Variants in POU2F2 observed in about 807,000 individuals in gnomAD.
POU2F2 encodes the protein POU domain, class 2, transcription factor 2.
Under a neutral mutation model 63.5 loss-of-function variants are expected in POU2F2, and 14 were observed. The observed-to-expected ratio is 0.22, with a 90% CI of 0.15 to 0.34. The LOEUF (loss-of-function observed/expected upper bound fraction) is 0.34. POU2F2 is among the 10% of genes least tolerant of loss of function. The pLI, the probability that POU2F2 is intolerant of heterozygous loss-of-function variation, is 1.00. For synonymous variants in POU2F2, 306 were observed against 348.6 expected (o/e 0.88, Z 1.36); for missense variants, 607 against 815.2 (o/e 0.74, Z 3.11).
At chr19:42,106,018 T>TCTTTCTTC (rs2029872962) in intron 5 of POU2F2, among the ~76,000 whole-genome samples, 2 of 147,054 alleles carry the variant, frequency 1.4e-5, no homozygotes, top group Admixed American at 6.7e-5. Context: ...TTTCTTTCTT[T>TCTTTCTTC]CTTTCTTTCT....
intron 7 of POU2F2, among the ~76,000 whole-genome samples, chr19:42,097,324 A>T (rs987057338): frequency 1.3e-5 from 2 of 150,702 alleles, no homozygotes; most frequent in Admixed American, 6.6e-5. Flanking sequence ...CAGCCTCCCG[A>T]GTAGCTGGGA....
Position 42,095,427 on chromosome 19 carries a change from G to A in POU2F2, c.1056C>T (p.Ile352=). 6.2e-7 allele frequency: 1 copy of A among 1,613,544 alleles called. No homozygotes were observed. Among genetic ancestry groups the A allele is most frequent in the South Asian group, 1.1e-5 (1 of 91,086 alleles). The part of the protein sequence containing the change: ...QKPTSEEILL[I]AEQLHMEKEV... ...CCTTCTCCATGTGCAGCTGCTCGGC[G>A]ATCAGCAGGATCTCCTCTGAGGTAG... is the stretch of plus-strand genomic sequence containing the variant. The change falls in exon 11 of 15, where the codon ATC becomes ATT. Residue 352 remains isoleucine (I), a synonymous_variant. Coordinates refer to ENST00000692977, the MANE Select transcript of POU2F2 (RefSeq NM_001394376.1). The surrounding 1 kb of genome is among the most constrained non-coding windows in gnomAD (Gnocchi z 7.1).
chr19:42,196,187 C>G (rs969707541), intron 1 of POU2F2, among the ~76,000 whole-genome samples: 3 of 152,148 alleles, frequency 2.0e-5, no homozygotes, highest in African/African-American at 7.2e-5. Context: ...CAGGTGCCCT[C>G]CAGAGCCAGC....
chr19:42,136,581 T>A (rs1308603836), upstream of POU2F2: 1 of 152,204 alleles, frequency 6.6e-6, no homozygotes, highest in East Asian at 1.9e-4. Flanking sequence ...TACTAACAAA[T>A]TGAGCCTCAG....
intron 1 of POU2F2, among the ~76,000 whole-genome samples, chr19:42,124,074 C>T (rs1452879699): frequency 6.6e-6 from 1 of 152,138 alleles, no homozygotes; most frequent in Non-Finnish European, 1.5e-5. Flanking sequence ...GAGACTGAGG[C>T]AGCCAGATCT....
chr19:42,190,330 T>A (rs2035062488), intron 1 of POU2F2, among the ~76,000 whole-genome samples: 1 of 152,100 alleles, frequency 6.6e-6, no homozygotes, highest in Non-Finnish European at 1.5e-5. Context: ...TATATATATG[T>A]TTGATAACAA....
chr19:42,116,257 G>A (rs1275845473), intron 5 of POU2F2, among the ~76,000 whole-genome samples: 9 of 152,140 alleles, frequency 5.9e-5, no homozygotes, highest in East Asian at 5.8e-4. Flanking sequence ...CATAGATCAC[G>A]GGCCCCTTTT....
rs767244230 is a variant in POU2F2 at position 42,099,539 on chromosome 19, C to G, written c.555G>C (p.Gly185=). 7 of 1,613,094 alleles carry G rather than the reference C, an allele frequency of 4.3e-6. No individual in the cohort carries two copies. Among genetic ancestry groups the G allele is most frequent in the Non-Finnish European group, 5.9e-6 (7 of 1,179,054 alleles). ...TGGACAGTCTCACCTGTGTGGGAAG[C>G]CCGGCCCGGGGCTGGGAGGTCAGAA... ...GALLTSQPRA[G]LPTQAVTRPT... is the part of the protein sequence containing the mutation. Residue 185 remains glycine, a synonymous_variant, in exon 7 of 15, where the codon GGG becomes GGC. Coordinates refer to ENST00000692977, the MANE Select transcript of POU2F2 (RefSeq NM_001394376.1).
At chr19:42,195,433 C>G (rs2035132200) in intron 1 of POU2F2, among the ~76,000 whole-genome samples, 1 of 148,536 alleles carries the variant, frequency 6.7e-6, no homozygotes, top group South Asian at 2.2e-4. Flanking sequence ...CCCGGGTTCA[C>G]GCCATTCTCC....
At chr19:42,190,479 C>T (rs575950849) in intron 1 of POU2F2, among the ~76,000 whole-genome samples, 2 of 152,136 alleles carry the variant, frequency 1.3e-5, no homozygotes, top group Admixed American at 6.5e-5. Flanking sequence ...ATATGTGCTA[C>T]TCTGCCACCA....
At chr19:42,131,074 G>A (rs1031269142) in intron 1 of POU2F2, among the ~76,000 whole-genome samples, 3 of 5,056 alleles carry the variant, frequency 5.9e-4, no homozygotes, top group Non-Finnish European at 1.0e-3. Flanking sequence ...ATCCCACCCC[G>A]ACACCTCTGC....
At chr19:42,154,833 C>A (rs2034426958) in intron 2 of POU2F2, among the ~76,000 whole-genome samples, 1 of 152,272 alleles carries the variant, frequency 6.6e-6, no homozygotes, top group East Asian at 1.9e-4. Flanking sequence ...AAGCCTTTTT[C>A]CACGTTCCTC....
rs1467601111 is a variant in POU2F2, at chr19:42,090,240, A to G, written c.*1017T>C. The G allele has an allele frequency of 6.6e-6, 1 of 152,640 alleles. No homozygotes were observed. The highest frequency in any genetic ancestry group is 1.5e-5 in the Non-Finnish European group (1 of 68,056). 9.5% of individuals were successfully genotyped at this position (152,640 alleles called of 1,614,324 possible). ...TTTCAGGGAAACAGACAGGATGGAA[A>G]AAGACAACTGAATGCCCTCAACTGA... On this transcript the variant is annotated 3_prime_UTR_variant, in exon 15 of 15. Transcript: ENST00000692977. The surrounding 1 kb of genome is among the most constrained non-coding windows in gnomAD (Gnocchi z 4.4).
intron 5 of POU2F2, among the ~76,000 whole-genome samples, chr19:42,111,062 T>A (rs1327774545): frequency 6.6e-6 from 1 of 152,166 alleles, no homozygotes; most frequent in Non-Finnish European, 1.5e-5. Context: ...GGGAACCCAA[T>A]CTGGCTGAGT....
chr19:42,160,982 G>C (rs2034541874), intron 1 of POU2F2, among the ~76,000 whole-genome samples: 1 of 152,206 alleles, frequency 6.6e-6, no homozygotes, highest in Non-Finnish European at 1.5e-5. Flanking sequence ...CAAATATTGA[G>C]ATTTCTCTGG....
chr19:42,190,382 T>C (rs923729861), intron 1 of POU2F2, among the ~76,000 whole-genome samples: 1 of 152,134 alleles, frequency 6.6e-6, no homozygotes, highest in African/African-American at 2.4e-5. Flanking sequence ...TTTTATTTGT[T>C]GAGACTGAAA....
At chr19:42,122,748 C>G (rs868334181) in intron 1 of POU2F2, among the ~76,000 whole-genome samples, 172 bp from the exon 2 acceptor site, 6 of 152,180 alleles carry the variant, frequency 3.9e-5, no homozygotes, top group Admixed American at 6.5e-5. Context: ...GGCCTCTGCC[C>G]TCCTCTGGCA....
At chr19:42,127,181 G>A (rs966228529) in intron 1 of POU2F2, among the ~76,000 whole-genome samples, 4 of 150,508 alleles carry the variant, frequency 2.7e-5, no homozygotes, top group Admixed American at 6.6e-5. Flanking sequence ...TCTCAGACTC[G>A]TGGGCTCAAA....
chr19:42,193,832 A>G (rs1344930261), intron 1 of POU2F2, among the ~76,000 whole-genome samples: 1 of 152,234 alleles, frequency 6.6e-6, no homozygotes, highest in Non-Finnish European at 1.5e-5. Context: ...AGCATTATTC[A>G]TAATAGCCTC....
Sources: gnomAD v4.1 joint callset for allele counts (sites outside exome capture counted in the v4.1 genomes callset) on GRCh38, gnomAD v4.1.1 for gene constraint, Gnocchi (gnomAD v3.1) non-coding constraint, MANE v1.5 for transcripts, NCBI Gene and HGNC (gene_info 2026-07-23, HGNC 2026-07-21) for gene names.